Variants in RAB3GAP1 observed in about 807,000 individuals in gnomAD.
The protein encoded by RAB3GAP1 is RAB3 GTPase activating protein catalytic subunit 1.
Under a neutral mutation model 130.7 loss-of-function variants are expected in RAB3GAP1, and 86 were observed. That is an observed-to-expected ratio of 0.66 (90% CI 0.55 to 0.79). The LOEUF is 0.79. RAB3GAP1 is among the 30% of genes least tolerant of loss of function. The pLI is 0.00. For missense variants in RAB3GAP1, 1,029 were observed against 1,169.4 expected, an observed-to-expected ratio of 0.88 and a Z score of 1.75; for synonymous variants, 367 against 401.7, an observed-to-expected ratio of 0.91 and a Z score of 1.03.
At position 135,168,719 on chromosome 2, in the gene RAB3GAP1, G is replaced by C. The variant is rs779577799; in HGVS notation, c.2884G>C (p.Val962Leu). The stretch of plus-strand genomic sequence containing the variant: ...AGCTCTGCCTCAGCGGATGTACAGT[G>C]TTCTCACCAAAGAGGACTTTAGACT... The part of the protein sequence containing the change: ...SKALPQRMYS[V>L]LTKEDFRLAG... The change falls in exon 24 of 24, where the codon GTT becomes CTT. Residue 962 changes from valine (V) to leucine (L), a missense_variant. Coordinates refer to ENST00000264158, the MANE Select transcript of RAB3GAP1 (RefSeq NM_012233.3). The C allele has an allele frequency of 6.2e-7, 1 of 1,614,074 alleles. No homozygotes were observed. The highest frequency in any genetic ancestry group is 8.5e-7 in the Non-Finnish European group (1 of 1,180,040).
chr2:135,073,047 G>T (rs6740804), intron 3 of RAB3GAP1, among the ~76,000 whole-genome samples: 1,524 of 152,310 alleles, frequency 0.01, 23 homozygotes, highest in African/African-American at 0.035. Context: ...GGGAGAAATA[G>T]GGCTATTAGA....
chr2:135,105,213 C>G (rs1282453068), intron 5 of RAB3GAP1, among the ~76,000 whole-genome samples: 2 of 120,324 alleles, frequency 1.7e-5, no homozygotes, highest in East Asian at 3.1e-4. Context: ...TCCCTCTCCC[C>G]CTCCCCCTTC....
chr2:135,124,380 C>T (rs1691289131), intron 9 of RAB3GAP1, 134 bp downstream of exon 9: 1 of 982,846 alleles, frequency 1.0e-6, no homozygotes, highest in East Asian at 2.6e-5. Flanking sequence ...GAAAGACGTA[C>T]ACCTGGGCTG....
intron 17 of RAB3GAP1, among the ~76,000 whole-genome samples, chr2:135,138,146 A>G (rs1691730167): frequency 6.6e-6 from 1 of 151,848 alleles, no homozygotes; most frequent in Non-Finnish European, 1.5e-5. Flanking sequence ...TCTATTGTGA[A>G]AATTGTAATC....
chr2:135,084,482 A>T (rs1165720478), intron 3 of RAB3GAP1, among the ~76,000 whole-genome samples: 1 of 152,178 alleles, frequency 6.6e-6, no homozygotes, highest in East Asian at 1.9e-4. Context: ...TTAAGTCTAG[A>T]GTAAGAAAAG....
chr2:135,060,256 A>ATTTT lies in RAB3GAP1; in HGVS notation c.150+2188_150+2191dup, dbSNP rs60562266. ...GTAATGGACAAAACTTAACTGCTTG[A>ATTTT]TTTTTTTTTTTTTTTTTTTTTGAGA... is the stretch of plus-strand genomic sequence containing the variant. On this transcript the variant is annotated intron_variant, in intron 3 of 23. Transcript: ENST00000264158. 8.4e-3 allele frequency among the ~76,000 whole-genome samples: 922 copies of ATTTT among 109,822 alleles called. 43 individuals carry two copies. Among genetic ancestry groups the ATTTT allele is most frequent in the African/African-American group, 0.032 (860 of 26,540 alleles). 72.0% of individuals were successfully genotyped at this position (109,822 alleles called of 152,430 possible). A position where few individuals can be genotyped will look rare whatever the true frequency, so the allele number is the denominator to read the frequency against.
At chr2:135,100,672 G>A (rs1690424963) in intron 5 of RAB3GAP1, among the ~76,000 whole-genome samples, 1 of 152,180 alleles carries the variant, frequency 6.6e-6, no homozygotes, top group Admixed American at 6.5e-5. Flanking sequence ...CATATTAAAT[G>A]TATGTGTATT....
At chr2:135,110,519 T>TA (rs1461134154) in intron 5 of RAB3GAP1, among the ~76,000 whole-genome samples, 1 of 152,162 alleles carries the variant, frequency 6.6e-6, no homozygotes, top group Non-Finnish European at 1.5e-5. Flanking sequence ...TATCAATAGA[T>TA]AGAGGAAAGA....
Position 135,052,741 on chromosome 2 carries a change from C to T in RAB3GAP1, c.74+256C>T, listed in dbSNP as rs138268758. On this transcript the variant is annotated intron_variant, in intron 2 of 23. Coordinates refer to ENST00000264158, the MANE Select transcript of RAB3GAP1 (RefSeq NM_012233.3). Reference sequence around the variant, plus strand: ...CAGAAAGTTTTGTTTTCTCTCCTGTCAGACCGCTTCCCTTAGACTTTGGTT... The same window carrying T: ...CAGAAAGTTTTGTTTTCTCTCCTGTTAGACCGCTTCCCTTAGACTTTGGTT... Among the ~76,000 whole-genome samples the T allele has an allele frequency of 1.2e-4, 19 of 152,334 alleles. No homozygotes were observed. In the East Asian group the frequency reaches 3.3e-3, roughly 26 times the overall value.
At chr2:135,099,609 T>A (rs1690396942) in intron 5 of RAB3GAP1, among the ~76,000 whole-genome samples, 1 of 152,096 alleles carries the variant, frequency 6.6e-6, no homozygotes, top group Non-Finnish European at 1.5e-5. Context: ...ATAATGTGAG[T>A]CAGAAAGTAT....
chr2:135,058,299 A>G lies in RAB3GAP1; in HGVS notation c.150+213A>G, dbSNP rs1305716900. The G allele has an allele frequency of 4.0e-5, 20 of 502,000 alleles. No homozygotes were observed. In the East Asian group the frequency reaches 6.4e-4, roughly 16 times the overall value. 31.1% of individuals were successfully genotyped at this position (502,000 alleles called of 1,614,324 possible). A position where few individuals can be genotyped will look rare whatever the true frequency, so the allele number is the denominator to read the frequency against. On this transcript the variant is annotated intron_variant, in intron 3 of 23. Transcript: ENST00000264158. ...TGAAATGTTTAATAAAGTTATATATATGTGTGTGTGTATATATATATATAT... is the reference window on the plus strand; with the variant it reads ...TGAAATGTTTAATAAAGTTATATATGTGTGTGTGTGTATATATATATATAT...
chr2:135,145,010 C>T (rs1191124158), intron 17 of RAB3GAP1, among the ~76,000 whole-genome samples: 2 of 152,050 alleles, frequency 1.3e-5, no homozygotes, highest in East Asian at 3.8e-4. Flanking sequence ...GTTTATTTGC[C>T]ATTTGCTAAG....
intron 3 of RAB3GAP1, among the ~76,000 whole-genome samples, chr2:135,061,856 CT>C (rs1036112897): frequency 6.6e-6 from 1 of 151,580 alleles, no homozygotes; most frequent in African/African-American, 2.4e-5. Context: ...TTTCTTCTTC[CT>C]TTTTTTTGTG....
intron 19 of RAB3GAP1, among the ~76,000 whole-genome samples, chr2:135,155,034 T>C (rs1193253271): frequency 1.3e-5 from 2 of 152,152 alleles, no homozygotes; most frequent in African/African-American, 4.8e-5. Context: ...ATGAAAATAT[T>C]TCCCAGAAAA....
intron 5 of RAB3GAP1, among the ~76,000 whole-genome samples, chr2:135,097,542 T>A (rs1690335913): frequency 6.6e-6 from 1 of 152,138 alleles, no homozygotes; most frequent in South Asian, 2.1e-4. Flanking sequence ...ATCCTTATAA[T>A]CCCTGGAATC....
chr2:135,058,376 T>C, intron 3 of RAB3GAP1: 1 of 240,186 alleles, frequency 4.2e-6, no homozygotes, highest in African/African-American at 2.3e-5. Flanking sequence ...TGCTTCTCTT[T>C]TGCCTTCTCC....
At chr2:135,055,312 A>G (rs1251537089) in intron 2 of RAB3GAP1, among the ~76,000 whole-genome samples, 1 of 152,230 alleles carries the variant, frequency 6.6e-6, no homozygotes, top group Non-Finnish European at 1.5e-5. Context: ...GTCAAATCTC[A>G]ATACTTGTAG....
chr2:135,120,911 A>G lies in RAB3GAP1; in HGVS notation c.741A>G (p.Gln247=), dbSNP rs1296336356. The change falls in exon 8 of 24, where the codon CAA becomes CAG. Residue 247 remains glutamine (Q), a synonymous_variant. Transcript: ENST00000264158. ...GGCAGCAGTATTTTTGGCCTCAGCA[A>G]CCTCCAGGTGAGATCATTTAGAACT... ...QDWQQYFWPQ[Q]PPDIDALVGG... 1 of 1,585,908 alleles carries G rather than the reference A, an allele frequency of 6.3e-7. No individual in the cohort carries two copies. The highest frequency in any genetic ancestry group is 2.2e-5 in the East Asian group (1 of 44,718).
chr2:135,059,153 T>C (rs920165266), intron 3 of RAB3GAP1: 5 of 152,146 alleles, frequency 3.3e-5, no homozygotes, highest in Admixed American at 6.5e-5. Context: ...ATATATACAT[T>C]GATTTACTAC....
Sources: allele counts gnomAD v4.1 joint callset (sites outside exome capture counted in the v4.1 genomes callset), GRCh38; gene constraint gnomAD v4.1.1; transcripts MANE v1.5; gene names NCBI Gene and HGNC (gene_info 2026-07-23, HGNC 2026-07-21).